BCAS3: variants seen among roughly 807,000 people sequenced by gnomAD.
BCAS3 encodes BCAS4/BCAS3 fusion.
In BCAS3, 53 loss-of-function variants were observed where a neutral mutation model predicts 116.1. That is an observed-to-expected ratio of 0.46 (90% CI 0.37 to 0.57). BCAS3 has a LOEUF of 0.57. Among genes scored for constraint, BCAS3 ranks in the 20% least tolerant of loss-of-function variants. BCAS3 has a pLI of 0.00. For synonymous variants in BCAS3, 391 were observed against 408.2 expected (o/e 0.96, Z 0.51); for missense variants, 917 against 1,165.4 (o/e 0.79, Z 3.10).
intron 16 of BCAS3, among the ~76,000 whole-genome samples, chr17:61,033,463 T>C (rs963161640): frequency 6.6e-6 from 1 of 152,076 alleles, no homozygotes; most frequent in Non-Finnish European, 1.5e-5. Flanking sequence ...CTCTGAGAGG[T>C]TACATAACTT....
At chr17:60,918,646 A>G (rs1244194745) in intron 12 of BCAS3, among the ~76,000 whole-genome samples, 1 of 149,764 alleles carries the variant, frequency 6.7e-6, no homozygotes, top group East Asian at 1.9e-4. Context: ...GTCAAACTGA[A>G]ATCTCTTTCT....
intron 22 of BCAS3, among the ~76,000 whole-genome samples, chr17:61,301,379 A>G (rs906896021): frequency 4.6e-5 from 7 of 152,194 alleles, no homozygotes; most frequent in Admixed American, 3.3e-4. Context: ...CACGCCTGTA[A>G]TCCCAGCACT....
At chr17:60,691,330 C>T (rs904943576) in intron 4 of BCAS3, among the ~76,000 whole-genome samples, 2 of 152,110 alleles carry the variant, frequency 1.3e-5, no homozygotes, top group Admixed American at 6.6e-5. Context: ...CCTCAGTGAA[C>T]GTACCATTTT....
intron 5 of BCAS3, among the ~76,000 whole-genome samples, chr17:60,714,471 C>T (rs1471688749): frequency 2.0e-5 from 3 of 152,054 alleles, no homozygotes; most frequent in Non-Finnish European, 4.4e-5. Context: ...TGAGACCATC[C>T]TAGCCAACAT....
intron 10 of BCAS3, among the ~76,000 whole-genome samples, chr17:60,891,341 T>C (rs2057133579): frequency 6.6e-6 from 1 of 152,220 alleles, no homozygotes; most frequent in African/African-American, 2.4e-5. Context: ...CCTTCATAGA[T>C]GCATAGCCTG....
chr17:60,761,293 G>T (rs1043802618), intron 6 of BCAS3, among the ~76,000 whole-genome samples: 1 of 151,878 alleles, frequency 6.6e-6, no homozygotes, highest in Non-Finnish European at 1.5e-5. Context: ...TACATGTGCC[G>T]TGTTGGTTTG....
rs533688350 is a variant in BCAS3, at chr17:61,011,363, A to G, written c.1487-4388A>G. The stretch of plus-strand genomic sequence containing the variant: ...TACGAAGAGGCTTGAGGTTTAATGA[A>G]GAATTCTGGCTTGAAAATTTAGGCT... On this transcript the variant is annotated intron_variant, in intron 15 of 23. Transcript: ENST00000407086. Among the ~76,000 whole-genome samples the G allele has an allele frequency of 2.6e-5, 4 of 152,162 alleles. No homozygotes were observed. In the East Asian group the frequency reaches 7.7e-4, roughly 29 times the overall value.
rs139311639 is a variant in BCAS3 at position 61,048,319 on chromosome 17, A to C, written c.2029+7427A>C. The stretch of plus-strand genomic sequence containing the variant: ...ATCATATATGAAACAATTGTTTTCA[A>C]GTCATCTGACATTAGGGAATGAAGG... On this transcript the variant is annotated intron_variant, in intron 19 of 23. Coordinates refer to ENST00000407086, the MANE Select transcript of BCAS3 (RefSeq NM_017679.5). 1.1e-4 allele frequency among the ~76,000 whole-genome samples: 17 copies of C among 152,150 alleles called. No homozygotes were observed. The East Asian group carries it at 3.1e-3, about 28-fold the overall frequency.
In BCAS3 at chr17:61,037,740, A is replaced by G. The variant is rs2067151804; in HGVS notation, c.1763-149A>G. The G allele has an allele frequency of 2.5e-6, 2 of 786,244 alleles. No homozygotes were observed. The allele number at this position is 786,244 out of a possible 1,614,324, so 48.7% of individuals were successfully genotyped here. On this transcript the variant is annotated intron_variant, in intron 17 of 23. Transcript: ENST00000407086. This position sits in a 1 kb window ranked among gnomAD's most constrained non-coding sequence, Gnocchi z 4.7. ...CAGCAAGAGCAAAACTCCATCTCCA[A>G]AAAAAAGAAAAAAAGAAAAAAATTC...
At chr17:60,884,437 A>G (rs1680149081) in intron 9 of BCAS3, among the ~76,000 whole-genome samples, 1 of 110,998 alleles carries the variant, frequency 9.0e-6, no homozygotes, top group Non-Finnish European at 1.8e-5. Flanking sequence ...TTGTGTCTCT[A>G]TTTCCTTCAG....
intron 14 of BCAS3, among the ~76,000 whole-genome samples, chr17:60,966,088 C>T (rs1035640702): frequency 3.9e-5 from 6 of 152,128 alleles, no homozygotes; most frequent in Non-Finnish European, 8.8e-5. Context: ...GTGTCCTTCT[C>T]TGTCTCTCTT....
chr17:61,080,884 A>G (rs1346415594), intron 21 of BCAS3, among the ~76,000 whole-genome samples: 1 of 151,884 alleles, frequency 6.6e-6, no homozygotes, highest in Non-Finnish European at 1.5e-5. Context: ...TCTTCTCTGC[A>G]TTTTTTTTGT....
chr17:60,905,534 A>G (rs553780228), intron 11 of BCAS3, among the ~76,000 whole-genome samples: 2 of 152,138 alleles, frequency 1.3e-5, no homozygotes, highest in South Asian at 2.1e-4. Flanking sequence ...GTTTCTGATA[A>G]CTCTAATGTC....
intron 14 of BCAS3, among the ~76,000 whole-genome samples, chr17:60,972,124 C>T (rs1211795645): frequency 6.6e-6 from 1 of 152,166 alleles, no homozygotes; most frequent in Non-Finnish European, 1.5e-5. Context: ...CCACTATCAC[C>T]TTGGTGTACA....
At position 61,086,813 on chromosome 17, in the gene BCAS3, G is replaced by A. The variant is rs563770697; in HGVS notation, c.2425+2249G>A. On this transcript the variant is annotated intron_variant, in intron 22 of 23. Coordinates refer to ENST00000407086, the MANE Select transcript of BCAS3 (RefSeq NM_017679.5). ...AAAGAAGCCTCATAGATAAGGAATTGGACTTTTATGAGTAATTCTCTCTTC... is the reference window on the plus strand; with the variant it reads ...AAAGAAGCCTCATAGATAAGGAATTAGACTTTTATGAGTAATTCTCTCTTC... 6.1e-6 allele frequency: 6 copies of A among 985,308 alleles called. No homozygotes were observed. In the South Asian group the frequency reaches 1.9e-4, roughly 31 times the overall value. The allele number at this position is 985,308 out of a possible 1,614,324, so 61.0% of individuals were successfully genotyped here.
chr17:60,796,054 C>T (rs141971718), intron 6 of BCAS3, among the ~76,000 whole-genome samples: 1 of 152,282 alleles, frequency 6.6e-6, no homozygotes, highest in Non-Finnish European at 1.5e-5. Flanking sequence ...TATGTTAAAC[C>T]ATCCCTGCAT....
At chr17:60,869,783 C>T (rs1228829192) in intron 8 of BCAS3, among the ~76,000 whole-genome samples, 2 of 151,974 alleles carry the variant, frequency 1.3e-5, no homozygotes, top group African/African-American at 4.8e-5. Flanking sequence ...CATATTTAAC[C>T]CTGAACTGTC....
chr17:60,861,653 G>C (rs1567733689), intron 7 of BCAS3, among the ~76,000 whole-genome samples: 1 of 152,092 alleles, frequency 6.6e-6, no homozygotes, highest in Non-Finnish European at 1.5e-5. Context: ...TTATTATTTT[G>C]AGGTATGTTC....
chr17:61,309,879 G>T lies in BCAS3; in HGVS notation c.2426-58448G>T, dbSNP rs1411414902. 6.6e-6 allele frequency among the ~76,000 whole-genome samples: 1 copy of T among 152,200 alleles called. No homozygotes were observed. The highest frequency in any genetic ancestry group is 6.5e-5 in the Admixed American group (1 of 15,282). ...ATGACAGCTTGTTTAAGGAAGCCAT[G>T]AACTAGCAAATGTAGTTAAAAGATG... On this transcript the variant is annotated intron_variant, in intron 22 of 23. Coordinates refer to ENST00000407086, the MANE Select transcript of BCAS3 (RefSeq NM_017679.5). This position sits in a 1 kb window ranked among gnomAD's most constrained non-coding sequence, Gnocchi z 4.6.
Sources: gnomAD v4.1 joint callset for allele counts (sites outside exome capture counted in the v4.1 genomes callset) on GRCh38, gnomAD v4.1.1 for gene constraint, Gnocchi (gnomAD v3.1) non-coding constraint, MANE v1.5 for transcripts, NCBI Gene and HGNC (gene_info 2026-07-23, HGNC 2026-07-21) for gene names.